Variants in NKAIN2 observed in about 807,000 individuals in gnomAD.
The protein encoded by NKAIN2 is sodium/potassium transporting ATPase interacting 2.
In NKAIN2, 14 loss-of-function variants were observed where a neutral mutation model predicts 32.6. The observed-to-expected ratio is 0.43, with a 90% CI of 0.28 to 0.67. The LOEUF is 0.67. NKAIN2 is among the 30% of genes least tolerant of loss of function. NKAIN2 has a pLI of 0.17. For missense variants in NKAIN2, 198 were observed against 258.3 expected, an observed-to-expected ratio of 0.77 and a Z score of 1.60; for synonymous variants, 80 against 87.2, an observed-to-expected ratio of 0.92 and a Z score of 0.46.
At chr6:124,283,345 G>A (rs1165214671) in intron 2 of NKAIN2, 1 of 417,626 alleles carries the variant, frequency 2.4e-6, no homozygotes, top group Admixed American at 3.8e-5. Context: ...TAGTGAGTGT[G>A]ATCAGACTGA....
chr6:123,846,485 TTGTA>T (rs2114946853), intron 1 of NKAIN2, among the ~76,000 whole-genome samples: 1 of 152,328 alleles, frequency 6.6e-6, no homozygotes, highest in Non-Finnish European at 1.5e-5. Context: ...CTAGTCTAAC[TTGTA>T]AACATCTGTT....
chr6:124,443,416 G>T (rs1277228608), intron 3 of NKAIN2, among the ~76,000 whole-genome samples: 2 of 152,098 alleles, frequency 1.3e-5, no homozygotes, highest in African/African-American at 4.8e-5. Flanking sequence ...AATATTTACT[G>T]TTTCTGATCG....
intron 1 of NKAIN2, among the ~76,000 whole-genome samples, chr6:123,997,757 C>T (rs543727665): frequency 1.3e-5 from 2 of 151,856 alleles, no homozygotes; most frequent in East Asian, 3.9e-4. Context: ...GCGCCTGCCA[C>T]CACGCCCGGC....
chr6:124,804,911 C>A (rs1326312460), intron 5 of NKAIN2, among the ~76,000 whole-genome samples: 1 of 152,192 alleles, frequency 6.6e-6, no homozygotes, highest in East Asian at 1.9e-4. Flanking sequence ...AGTCTGAGAT[C>A]AAACTGCAAG....
chr6:123,811,187 T>G (rs1773448108), intron 1 of NKAIN2, among the ~76,000 whole-genome samples: 1 of 152,272 alleles, frequency 6.6e-6, no homozygotes, highest in Admixed American at 6.5e-5. Flanking sequence ...GAGAGAAAAC[T>G]TTTCTTCAGG....
At chr6:123,962,876 A>G (rs889122717) in intron 1 of NKAIN2, among the ~76,000 whole-genome samples, 28 of 152,304 alleles carry the variant, frequency 1.8e-4, no homozygotes, top group Admixed American at 4.6e-4. Context: ...GAGTAAAGCC[A>G]TGTCAAAACT....
intron 3 of NKAIN2, among the ~76,000 whole-genome samples, chr6:124,489,721 T>C (rs945862002): frequency 2.0e-5 from 3 of 151,870 alleles, no homozygotes; most frequent in African/African-American, 7.2e-5. Context: ...CATCATGAAG[T>C]TGAAAAATTA....
At position 124,658,579 on chromosome 6, in the gene NKAIN2, C is replaced by T. The variant is rs1167156944; in HGVS notation, c.474+193C>T. 25 of 1,338,966 alleles carry T rather than the reference C, an allele frequency of 1.9e-5. No individual in the cohort carries two copies. The East Asian group carries it at 4.8e-4, about 26-fold the overall frequency. 82.9% of individuals were successfully genotyped at this position (1,338,966 alleles called of 1,614,324 possible). ...CTGGACTTAGTGTGCTGATTTTCTT[C>T]GACAATTAGTAAATACCCTTTGTTA... is the stretch of plus-strand genomic sequence containing the variant. On this transcript the variant is annotated intron_variant, in intron 4 of 6. Coordinates refer to ENST00000368417, the MANE Select transcript of NKAIN2 (RefSeq NM_001040214.3).
intron 1 of NKAIN2, among the ~76,000 whole-genome samples, chr6:124,037,176 AC>A (rs1340100683): frequency 6.6e-6 from 1 of 152,082 alleles, no homozygotes; most frequent in Non-Finnish European, 1.5e-5. Context: ...AAGAAGGAAA[AC>A]CGATCAGAGA....
intron 3 of NKAIN2, among the ~76,000 whole-genome samples, chr6:124,409,309 A>T (rs1296375844): frequency 6.6e-6 from 1 of 152,162 alleles, no homozygotes; most frequent in Non-Finnish European, 1.5e-5. Context: ...TTGCCCATTC[A>T]GTATGATATT....
At chr6:124,429,374 T>C (rs992259457) in intron 3 of NKAIN2, among the ~76,000 whole-genome samples, 1 of 152,090 alleles carries the variant, frequency 6.6e-6, no homozygotes, top group Non-Finnish European at 1.5e-5. Flanking sequence ...GAATTTCCAT[T>C]ATTTATTTAT....
At chr6:124,329,409 T>G (rs1223315301) in intron 2 of NKAIN2, among the ~76,000 whole-genome samples, 7 of 152,204 alleles carry the variant, frequency 4.6e-5, no homozygotes, top group Non-Finnish European at 2.9e-5. Flanking sequence ...TTAAAGTAAC[T>G]GGGTGGCAGC....
At chr6:124,111,092 T>G (rs1490311549) in intron 1 of NKAIN2, among the ~76,000 whole-genome samples, 1 of 152,066 alleles carries the variant, frequency 6.6e-6, no homozygotes, top group African/African-American at 2.4e-5. Context: ...TGTAATTTGT[T>G]AGGGTATAAT....
At chr6:124,696,680 G>A (rs1203154799) in intron 4 of NKAIN2, among the ~76,000 whole-genome samples, 2 of 151,826 alleles carry the variant, frequency 1.3e-5, no homozygotes, top group Non-Finnish European at 2.9e-5. Context: ...CCTCAAGCAT[G>A]TTTAGGTGTC....
intron 1 of NKAIN2, among the ~76,000 whole-genome samples, chr6:123,878,760 T>C (rs994689036): frequency 2.0e-5 from 3 of 152,172 alleles, no homozygotes; most frequent in Admixed American, 6.6e-5. Flanking sequence ...TTCTGTACTC[T>C]ATATTTTGGC....
intron 1 of NKAIN2, among the ~76,000 whole-genome samples, chr6:124,065,537 A>C (rs1167657526): frequency 6.6e-6 from 1 of 152,176 alleles, no homozygotes; most frequent in African/African-American, 2.4e-5. Context: ...CCTCTCTGCC[A>C]TGTGAGAACA....
At position 124,607,093 on chromosome 6, in the gene NKAIN2, G is replaced by T. The variant is rs1280927297; in HGVS notation, c.274-51093G>T. On this transcript the variant is annotated intron_variant, in intron 3 of 6. Transcript: ENST00000368417. ...AAACAAATTCAAGGAAATCTAGAAG[G>T]AGAAATAAACTTGGAATGCTATAAA... 7.2e-5 allele frequency among the ~76,000 whole-genome samples: 11 copies of T among 152,082 alleles called. No individual in the cohort carries two copies. In the East Asian group the frequency reaches 2.1e-3, roughly 29 times the overall value.
chr6:123,878,366 A>G (rs1478603712), intron 1 of NKAIN2, among the ~76,000 whole-genome samples: 2 of 152,048 alleles, frequency 1.3e-5, no homozygotes, highest in African/African-American at 4.8e-5. Context: ...CCTTCCTTTT[A>G]TTAGGTTCAA....
chr6:124,010,350 G>A (rs556683363), intron 1 of NKAIN2, among the ~76,000 whole-genome samples: 5 of 152,002 alleles, frequency 3.3e-5, no homozygotes, highest in East Asian at 1.9e-4. Context: ...TAGTAACTGC[G>A]TGATCATCAC....
Sources: gnomAD v4.1 joint callset for allele counts (sites outside exome capture counted in the v4.1 genomes callset) on GRCh38, gnomAD v4.1.1 for gene constraint, MANE v1.5 for transcripts, NCBI Gene and HGNC (gene_info 2026-07-23, HGNC 2026-07-21) for gene names.